The following ELAPOR1 variants were observed in gnomAD, a reference collection of about 807,000 sequenced individuals.
ELAPOR1 encodes endosome/lysosome-associated apoptosis and autophagy regulator 1.
In ELAPOR1, 77 loss-of-function variants were observed where a neutral mutation model predicts 119.7. The observed-to-expected ratio is 0.64, with a 90% confidence interval of 0.54 to 0.78. The LOEUF (loss-of-function observed/expected upper bound fraction) is 0.78, where lower values mean the gene tolerates loss of function less well. ELAPOR1 is among the 30% of genes least tolerant of loss of function. The probability of loss-of-function intolerance (pLI) is 0.00; values close to 1 mark genes in which losing one functional copy is unlikely to be tolerated. For synonymous variants in ELAPOR1, 481 were observed against 487.2 expected (o/e 0.99, Z 0.17); for missense variants, 1,115 against 1,270.4 (o/e 0.88, Z 1.86).
rs1650466548 is a variant in ELAPOR1 at position 109,150,504 on chromosome 1, G to A, written c.154-11390G>A. Among the ~76,000 whole-genome samples the A allele has an allele frequency of 2.0e-5, 3 of 152,102 alleles. No homozygotes were observed. The South Asian group carries it at 6.2e-4, about 31-fold the overall frequency. ...GGTCTGGTGCTTGCTCTGGGGGAGA[G>A]GAGGTCTTAATTGTAGGCAGAGGAA... On this transcript the variant is annotated intron_variant, in intron 1 of 21. Coordinates refer to ENST00000369939, the MANE Select transcript of ELAPOR1 (RefSeq NM_020775.5).
At chr1:109,173,165 A>G (rs1033881525) in intron 5 of ELAPOR1, among the ~76,000 whole-genome samples, 3 of 151,888 alleles carry the variant, frequency 2.0e-5, no homozygotes, top group African/African-American at 7.3e-5. Flanking sequence ...GCAAAACCAC[A>G]GAAGAATGAG....
intron 1 of ELAPOR1, among the ~76,000 whole-genome samples, chr1:109,137,455 C>T (rs532338625): frequency 1.3e-5 from 2 of 152,188 alleles, no homozygotes; most frequent in African/African-American, 2.4e-5. Flanking sequence ...CTGCCCGCCT[C>T]GGCCGCCCAA....
chr1:109,164,800 G>A (rs1051064405), intron 3 of ELAPOR1, 109 bp downstream of exon 3: 15 of 1,122,484 alleles, frequency 1.3e-5, no homozygotes, highest in Non-Finnish European at 1.6e-5. Flanking sequence ...GGAGGATGGA[G>A]GGAAGAGGAA....
intron 3 of ELAPOR1, among the ~76,000 whole-genome samples, chr1:109,168,438 AAAAT>A (rs1251678428): frequency 1.3e-5 from 2 of 152,150 alleles, no homozygotes; most frequent in African/African-American, 4.8e-5. Context: ...CAAAATAGAC[AAAAT>A]AAATAATTGG....
At chr1:109,198,128 T>C in intron 17 of ELAPOR1, 53 bp downstream of exon 17, 1 of 1,397,400 alleles carries the variant, frequency 7.2e-7, no homozygotes, top group South Asian at 1.2e-5. Context: ...TCCTCCATAA[T>C]TTCTGCTGCA....
intron 1 of ELAPOR1, among the ~76,000 whole-genome samples, chr1:109,134,014 G>A (rs1408813850): frequency 1.3e-5 from 2 of 152,208 alleles, no homozygotes; most frequent in Non-Finnish European, 2.9e-5. Context: ...TGGCCCAGGG[G>A]AACTGTCAGT....
intron 1 of ELAPOR1, among the ~76,000 whole-genome samples, chr1:109,137,088 G>A (rs1649518092): frequency 6.6e-6 from 1 of 152,164 alleles, no homozygotes; most frequent in Non-Finnish European, 1.5e-5. Context: ...GTGGGGTAAG[G>A]GAGCAGGTAT....
intron 1 of ELAPOR1, among the ~76,000 whole-genome samples, chr1:109,159,537 C>G (rs1238992923): frequency 2.0e-5 from 3 of 152,188 alleles, no homozygotes; most frequent in Non-Finnish European, 4.4e-5. Flanking sequence ...TGCTGGCACA[C>G]AACCAACACT....
chr1:109,199,279 C>A (rs1278774779), intron 18 of ELAPOR1, among the ~76,000 whole-genome samples: 1 of 152,142 alleles, frequency 6.6e-6, no homozygotes, highest in Non-Finnish European at 1.5e-5. Flanking sequence ...AACATCTTGA[C>A]GGGCACTAGC....
chr1:109,188,201 A>G lies in ELAPOR1; in HGVS notation c.1066A>G (p.Lys356Glu), dbSNP rs1487010023. 15 of 1,611,852 alleles carry G rather than the reference A, an allele frequency of 9.3e-6. No individual in the cohort carries two copies. The highest frequency in any genetic ancestry group is 1.3e-5 in the Non-Finnish European group (15 of 1,178,260). The part of the protein sequence containing the change: ...GETQLMYKWA[K>E]PKICSEDLEG... ...GACACAACTCATGTACAAATGGGCC[A>G]AGCCGAAAATCTGTAGCGAGGACCT... The change falls in exon 9 of 22, where the codon AAG becomes GAG. Residue 356 changes from lysine (K) to glutamate (E), a missense_variant. Coordinates refer to ENST00000369939, the MANE Select transcript of ELAPOR1 (RefSeq NM_020775.5).
chr1:109,158,513 G>T (rs1375114283), intron 1 of ELAPOR1, among the ~76,000 whole-genome samples: 1 of 152,064 alleles, frequency 6.6e-6, no homozygotes, highest in East Asian at 1.9e-4. Context: ...ACATGGCTGG[G>T]TGACGCTACG....
rs1240916816 is a variant in ELAPOR1, at chr1:109,204,831, G to A, written c.*1819G>A. ...ACACCTGTAATCCCAAGGCAGAATG[G>A]TGGCTTGAGCTCAGGAGTTCAAGAC... On this transcript the variant is annotated 3_prime_UTR_variant, in exon 22 of 22. Coordinates refer to ENST00000369939, the MANE Select transcript of ELAPOR1 (RefSeq NM_020775.5). 1 of 152,240 alleles carries A rather than the reference G, an allele frequency of 6.6e-6. No homozygotes were observed. The highest frequency in any genetic ancestry group is 2.4e-5 in the African/African-American group (1 of 41,426). 9.4% of individuals were successfully genotyped at this position (152,240 alleles called of 1,614,324 possible). A position where few individuals can be genotyped will look rare whatever the true frequency, so the allele number is the denominator to read the frequency against.
At position 109,197,515 on chromosome 1, in the gene ELAPOR1, C is replaced by T; in HGVS notation, c.2163C>T (p.Leu721=). The T allele has an allele frequency of 6.2e-7, 1 of 1,614,214 alleles. No homozygotes were observed. The highest frequency in any genetic ancestry group is 8.5e-7 in the Non-Finnish European group (1 of 1,180,046). ...TGTGCACCGACAATGTCACTGACCT[C>T]CGGATTCCTGAGGGTGAGTCAGGGT... ...MSVCTDNVTD[L]RIPEGESGFS... The change falls in exon 16 of 22, where the codon CTC becomes CTT. Residue 721 remains leucine, a synonymous_variant. Transcript: ENST00000369939.
chr1:109,161,425 A>G (rs1362228850), intron 1 of ELAPOR1, among the ~76,000 whole-genome samples: 3 of 151,650 alleles, frequency 2.0e-5, no homozygotes, highest in Admixed American at 2.0e-4. Flanking sequence ...AAAAAAAAAA[A>G]AAAAAAAAGA....
At chr1:109,127,373 CCTGA>C (rs1282632721) in intron 1 of ELAPOR1, among the ~76,000 whole-genome samples, 1 of 151,572 alleles carries the variant, frequency 6.6e-6, no homozygotes, top group Non-Finnish European at 1.5e-5. Flanking sequence ...CGCCACCATG[CCTGA>C]CTAATTTTTT....
chr1:109,115,242 A>G (rs1647911401), intron 1 of ELAPOR1, among the ~76,000 whole-genome samples: 2 of 152,142 alleles, frequency 1.3e-5, no homozygotes, highest in African/African-American at 2.4e-5. Context: ...TTTTTTAGAA[A>G]CCATATGGCA....
chr1:109,175,330 G>A (rs1652204587), intron 7 of ELAPOR1, among the ~76,000 whole-genome samples: 1 of 151,090 alleles, frequency 6.6e-6, no homozygotes, highest in Non-Finnish European at 1.5e-5. Flanking sequence ...GGCCTCCCAA[G>A]TAGCTGGGAT....
chr1:109,173,149 C>G (rs1652028016), intron 5 of ELAPOR1, among the ~76,000 whole-genome samples: 1 of 151,152 alleles, frequency 6.6e-6, no homozygotes, highest in Non-Finnish European at 1.5e-5. Flanking sequence ...GGGGGGCTGT[C>G]CCCCTGCAAA....
At chr1:109,183,480 C>A (rs576682452) in intron 7 of ELAPOR1, among the ~76,000 whole-genome samples, 1 of 152,214 alleles carries the variant, frequency 6.6e-6, no homozygotes, top group Non-Finnish European at 1.5e-5. Context: ...GCAGAGCTAA[C>A]ATTGAAAGGA....
Sources: allele counts gnomAD v4.1 joint callset (sites outside exome capture counted in the v4.1 genomes callset), GRCh38; gene constraint gnomAD v4.1.1; transcripts MANE v1.5; gene names NCBI Gene and HGNC (gene_info 2026-07-23, HGNC 2026-07-21).